Variants in CCDC125 observed in about 807,000 individuals in gnomAD.
CCDC125 encodes coiled-coil domain containing 125, also known as coiled-coil domain-containing protein 125.
Under a neutral mutation model 57.4 loss-of-function variants are expected in CCDC125, and 43 were observed. The observed-to-expected ratio is 0.75, with a 90% CI of 0.59 to 0.97. The LOEUF (loss-of-function observed/expected upper bound fraction) is 0.97, where lower values mean the gene tolerates loss of function less well. Ranked by LOEUF, CCDC125 falls within the 50% of genes least tolerant of loss-of-function variation. The pLI is 0.00. For synonymous variants in CCDC125, 187 were observed against 195.2 expected (o/e 0.96, Z 0.35); for missense variants, 563 against 595.7 (o/e 0.95, Z 0.57).
intron 1 of CCDC125, among the ~76,000 whole-genome samples, chr5:69,325,850 A>G (rs915598579): frequency 2.2e-4 from 33 of 148,972 alleles, no homozygotes; most frequent in Admixed American, 3.4e-4. Flanking sequence ...AAAAAAAAAA[A>G]AGAGAGACAG....
intron 10 of CCDC125, among the ~76,000 whole-genome samples, chr5:69,286,187 A>AATATAT (rs1561402049): frequency 1.9e-4 from 10 of 53,942 alleles, no homozygotes; most frequent in South Asian, 6.2e-4. Context: ...CAAATGGTAA[A>AATATAT]CTATATATAT....
intron 1 of CCDC125, among the ~76,000 whole-genome samples, chr5:69,331,442 G>A (rs1470011582): frequency 6.6e-6 from 1 of 151,950 alleles, no homozygotes; most frequent in Non-Finnish European, 1.5e-5. Flanking sequence ...ATGTTGGCCA[G>A]GCTGGTCTAG....
At chr5:69,324,839 C>T (rs1014942695) in intron 1 of CCDC125, among the ~76,000 whole-genome samples, 18 of 151,938 alleles carry the variant, frequency 1.2e-4, no homozygotes, top group African/African-American at 3.9e-4. Flanking sequence ...ATAGCGAGAT[C>T]CCCATCACTA....
At chr5:69,283,446 T>C (rs1752771318) in intron 11 of CCDC125, among the ~76,000 whole-genome samples, 1 of 152,050 alleles carries the variant, frequency 6.6e-6, no homozygotes, top group Admixed American at 6.6e-5. Context: ...GGTCTGAATC[T>C]CCTGACCTTG....
chr5:69,332,585 CAG>C (rs1761547325), intron 1 of CCDC125, 62 bp downstream of exon 1: 1 of 152,294 alleles, frequency 6.6e-6, no homozygotes, highest in African/African-American at 2.4e-5. Context: ...CCACAACCTG[CAG>C]AGTTTCCACG....
chr5:69,321,867 G>A (rs112401159), intron 1 of CCDC125, among the ~76,000 whole-genome samples: 4,967 of 151,786 alleles, frequency 0.033, 255 homozygotes, highest in African/African-American at 0.11. Flanking sequence ...ACGGAGCTTC[G>A]CTCTTGTTGC....
intron 1 of CCDC125, among the ~76,000 whole-genome samples, chr5:69,323,346 G>T (rs1414416114): frequency 6.6e-6 from 1 of 151,862 alleles, no homozygotes; most frequent in Non-Finnish European, 1.5e-5. Context: ...AATCAAAAAG[G>T]TATCATATTT....
chr5:69,298,934 A>C (rs565540555), intron 8 of CCDC125, among the ~76,000 whole-genome samples: 1 of 152,182 alleles, frequency 6.6e-6, no homozygotes, highest in African/African-American at 2.4e-5. Context: ...CTAACCCCGC[A>C]ATGCCTCTGT....
At position 69,307,940 on chromosome 5, in the gene CCDC125, G is replaced by T; in HGVS notation, c.531+11C>A. 1 of 1,603,110 alleles carries T rather than the reference G, an allele frequency of 6.2e-7. No homozygotes were observed. The stretch of plus-strand genomic sequence containing the variant: ...TGGATTCAATAAGTCTACACTAAAA[G>T]CACCAAATACCTTCTCCAAGGATCT... On this transcript the variant is annotated intron_variant, in intron 5 of 11. Coordinates refer to ENST00000396496, the MANE Select transcript of CCDC125 (RefSeq NM_176816.5).
At chr5:69,291,574 C>T (rs185262555) in intron 10 of CCDC125, among the ~76,000 whole-genome samples, 366 of 152,148 alleles carry the variant, frequency 2.4e-3, no homozygotes, top group African/African-American at 8.7e-3. Flanking sequence ...AGGCTGTTCT[C>T]GAACTCCTGA....
At position 69,294,239 on chromosome 5, in the gene CCDC125, A is replaced by C. The variant is rs116501189; in HGVS notation, c.924+554T>G. On this transcript the variant is annotated intron_variant, in intron 9 of 11. Coordinates refer to ENST00000396496, the MANE Select transcript of CCDC125 (RefSeq NM_176816.5). ...GGACATGTATAGATGAGAACATATA[A>C]ATTTTAGGAATATTAATTATGAACT... 282 of 504,110 alleles carry C rather than the reference A, an allele frequency of 5.6e-4. 2 individuals carry two copies. The African/African-American group carries it at 5.6e-3, about 10-fold the overall frequency. 31.2% of individuals were successfully genotyped at this position (504,110 alleles called of 1,614,324 possible). A position where few individuals can be genotyped will look rare whatever the true frequency, so the allele number is the denominator to read the frequency against.
At chr5:69,286,946 G>A (rs1753579928) in intron 10 of CCDC125, among the ~76,000 whole-genome samples, 1 of 150,194 alleles carries the variant, frequency 6.7e-6, no homozygotes, top group African/African-American at 2.5e-5. Flanking sequence ...TTGGTGTGAT[G>A]GCTCAAGCTG....
chr5:69,304,671 C>T (rs560564946), intron 6 of CCDC125, among the ~76,000 whole-genome samples: 2 of 152,112 alleles, frequency 1.3e-5, no homozygotes, highest in South Asian at 4.1e-4. Flanking sequence ...GTGATCTGCC[C>T]ACCTCGGCCT....
At chr5:69,318,250 G>A (rs577506568) in intron 2 of CCDC125, among the ~76,000 whole-genome samples, 1 of 151,588 alleles carries the variant, frequency 6.6e-6, no homozygotes, top group African/African-American at 2.4e-5. Context: ...AAAGTGCTGG[G>A]ATTACAGGCG....
intron 3 of CCDC125, chr5:69,313,367 G>C: frequency 7.0e-7 from 1 of 1,420,030 alleles, no homozygotes; most frequent in Non-Finnish European, 9.9e-7. Context: ...TGGCCAGAAG[G>C]GGCTCACAAA....
chr5:69,306,952 T>C, intron 5 of CCDC125, 50 bp from the exon 6 acceptor site: 1 of 1,396,948 alleles, frequency 7.2e-7, no homozygotes, highest in African/African-American at 1.5e-5. Context: ...AAATAAATCA[T>C]TTCAGGACAT....
Position 69,292,212 on chromosome 5 carries a change from T to G in CCDC125, c.1075A>C (p.Asn359His), listed in dbSNP as rs768416233. 2 of 1,613,334 alleles carry G rather than the reference T, an allele frequency of 1.2e-6. No homozygotes were observed. The highest frequency in any genetic ancestry group is 1.7e-6 in the Non-Finnish European group (2 of 1,179,828). ...KMHKKATKWM[N>H]WKHLKEDGFP... ...CCATCCTCTTTAAGGTGCTTCCAAT[T>G]CATCCATTTTGTTGCTTTTTTATGC... The change falls in exon 10 of 12, where the codon AAT becomes CAT. Residue 359 changes from asparagine (N) to histidine (H), a missense_variant. Physicochemically the swap from Asn to His is moderately conservative, Grantham distance 68. Coordinates refer to ENST00000396496, the MANE Select transcript of CCDC125 (RefSeq NM_176816.5).
chr5:69,307,004 T>C (rs903921264), intron 5 of CCDC125, 102 bp from the exon 6 acceptor site: 1 of 1,257,902 alleles, frequency 7.9e-7, no homozygotes, highest in Non-Finnish European at 1.0e-6. Context: ...TTCTCAGAAA[T>C]GGTTTAAAGA....
At chr5:69,283,323 T>C (rs1052328610) in intron 11 of CCDC125, among the ~76,000 whole-genome samples, 5 of 148,842 alleles carry the variant, frequency 3.4e-5, no homozygotes, top group Admixed American at 1.4e-4. Context: ...AGGTTCACAC[T>C]ATTCTCCTGC....
Sources: allele counts gnomAD v4.1 joint callset (sites outside exome capture counted in the v4.1 genomes callset), GRCh38; gene constraint gnomAD v4.1.1; transcripts MANE v1.5; gene names NCBI Gene and HGNC (gene_info 2026-07-23, HGNC 2026-07-21).